AMDHD1: variants seen among roughly 807,000 people sequenced by gnomAD.
The protein encoded by AMDHD1 is amidohydrolase domain containing 1.
Under a neutral mutation model 44.1 loss-of-function variants are expected in AMDHD1, and 45 were observed. The ratio of observed to expected loss-of-function variants is 1.02; its 90% CI spans 0.80 to 1.31. AMDHD1 has a LOEUF of 1.31. Ranked by LOEUF, AMDHD1 falls within the 50% of genes most tolerant of loss-of-function variation. The probability of loss-of-function intolerance (pLI) is 0.00; values close to 1 mark genes in which losing one functional copy is unlikely to be tolerated. For synonymous variants in AMDHD1, 206 were observed against 205.0 expected (o/e 1.00, Z -0.04); for missense variants, 586 against 552.1 (o/e 1.06, Z -0.61).
intron 7 of AMDHD1, 55 bp from the exon 8 acceptor site, chr12:95,966,293 A>G: frequency 6.3e-7 from 1 of 1,595,226 alleles, no homozygotes; most frequent in South Asian, 1.1e-5. Flanking sequence ...GAAATGTTTT[A>G]AATTGCAGTT....
At chr12:95,944,031 C>T (rs1379136804) in intron 1 of AMDHD1, among the ~76,000 whole-genome samples, 1 of 152,108 alleles carries the variant, frequency 6.6e-6, no homozygotes, top group African/African-American at 2.4e-5. Context: ...AGCTTTAGAA[C>T]CACGGAGAAC....
chr12:95,949,456 T>C (rs2080517061), intron 1 of AMDHD1, among the ~76,000 whole-genome samples: 1 of 152,182 alleles, frequency 6.6e-6, no homozygotes, highest in Admixed American at 6.5e-5. Flanking sequence ...GAATTTTTCT[T>C]CCTAAATTTC....
chr12:95,953,747 AT>A (rs2080535684), intron 2 of AMDHD1, among the ~76,000 whole-genome samples: 1 of 152,016 alleles, frequency 6.6e-6, no homozygotes, highest in African/African-American at 2.4e-5. Flanking sequence ...TGCCTGGCTA[AT>A]TTTTGTATTT....
intron 1 of AMDHD1, among the ~76,000 whole-genome samples, chr12:95,951,100 C>G (rs560820191): frequency 1.1e-4 from 16 of 152,250 alleles, no homozygotes; most frequent in African/African-American, 3.9e-4. Context: ...CAATCGTACT[C>G]CCTCAGTTAT....
chr12:95,945,617 C>T (rs2080491841), intron 1 of AMDHD1, among the ~76,000 whole-genome samples: 1 of 152,136 alleles, frequency 6.6e-6, no homozygotes, highest in Non-Finnish European at 1.5e-5. Flanking sequence ...TATGCAGAAC[C>T]TGTGTGTTCA....
In AMDHD1 at chr12:95,960,596, T is replaced by A; in HGVS notation, c.786T>A (p.Asp262Glu). ...DIGLQINFHG[D>E]ELHPMKAAEL... ...GGTTACAGATTAACTTCCATGGGGA[T>A]GAACTCCACCCGATGAAGGCTGCTG... Residue 262 changes from aspartate (D) to glutamate (E), a missense_variant, in exon 5 of 9, where the codon GAT (aspartate) becomes GAA (glutamate). Transcript: ENST00000266736. 6.2e-7 allele frequency: 1 copy of A among 1,614,210 alleles called. No individual in the cohort carries two copies. Among genetic ancestry groups the A allele is most frequent in the South Asian group, 1.1e-5 (1 of 91,080 alleles).
rs2080606430 is a variant in AMDHD1 at position 95,965,654 on chromosome 12, T to C, written c.939-32T>C. ...AGCTATTCTACAAAAGCTCCCATTC[T>C]AGAGACTGACATATTTTTTTCCTCC... On this transcript the variant is annotated intron_variant, in intron 6 of 8. Transcript: ENST00000266736. 4 of 1,507,478 alleles carry C rather than the reference T, an allele frequency of 2.7e-6. No individual in the cohort carries two copies. The East Asian group carries it at 6.8e-5, about 26-fold the overall frequency. 93.4% of individuals were successfully genotyped at this position (1,507,478 alleles called of 1,614,324 possible).
At chr12:95,947,666 G>T (rs2080503160) in intron 1 of AMDHD1, among the ~76,000 whole-genome samples, 2 of 67,408 alleles carry the variant, frequency 3.0e-5, no homozygotes, top group Non-Finnish European at 5.3e-5. Context: ...CGTCCGGGAG[G>T]TGAGGGGCGC....
intron 6 of AMDHD1, among the ~76,000 whole-genome samples, chr12:95,963,058 C>T (rs1031182431): frequency 1.3e-5 from 2 of 152,148 alleles, no homozygotes; most frequent in African/African-American, 4.8e-5. Flanking sequence ...CTGATTCTAA[C>T]CAATATGAGA....
At chr12:95,944,237 C>G (rs76989777) in intron 1 of AMDHD1, among the ~76,000 whole-genome samples, 31,832 of 152,000 alleles carry the variant, frequency 0.21, 3,864 homozygotes, top group East Asian at 0.45. Context: ...TGCACACGAT[C>G]AATGAGTCTC....
Position 95,965,738 on chromosome 12 carries a change from C to T in AMDHD1, c.991C>T (p.Leu331=). 6.2e-7 allele frequency: 1 copy of T among 1,613,354 alleles called. No homozygotes were observed. The highest frequency in any genetic ancestry group is 1.7e-4 in the Middle Eastern group (1 of 6,058). ...KMLDEGVIVA[L]GSDFNPNAYC... ...GTTAGATGAAGGAGTAATAGTTGCT[C>T]TGGGAAGTGATTTCAACCCCAATGC... is the stretch of plus-strand genomic sequence containing the variant. Residue 331 remains leucine, a synonymous_variant, in exon 7 of 9, where the codon CTG becomes TTG. Transcript: ENST00000266736.
chr12:95,965,192 G>A (rs10777758), intron 6 of AMDHD1, among the ~76,000 whole-genome samples: 100,118 of 150,808 alleles, frequency 0.66, 33,425 homozygotes, highest in African/African-American at 0.74. Flanking sequence ...CCAACTACTC[G>A]GGAGGCTGAG....
At chr12:95,957,468 T>TA (rs2080557780) in intron 4 of AMDHD1, among the ~76,000 whole-genome samples, 1 of 152,148 alleles carries the variant, frequency 6.6e-6, no homozygotes, top group Non-Finnish European at 1.5e-5. Context: ...TACATGGCCT[T>TA]ACTGTAGAGA....
At chr12:95,954,890 A>T in intron 2 of AMDHD1, 21 bp from the exon 3 acceptor site, 1 of 1,612,828 alleles carries the variant, frequency 6.2e-7, no homozygotes, top group Non-Finnish European at 8.5e-7. Context: ...ATTGTAAGAT[A>T]ACTTGATTTA....
intron 5 of AMDHD1, 128 bp from the exon 6 acceptor site, chr12:95,962,227 C>T: frequency 7.4e-7 from 1 of 1,354,752 alleles, no homozygotes; most frequent in Non-Finnish European, 9.8e-7. Context: ...GATTGCACTA[C>T]TGCACCCAGC....
intron 5 of AMDHD1, 54 bp from the exon 6 acceptor site, chr12:95,962,301 T>G (rs1269742543): frequency 2.5e-6 from 4 of 1,573,990 alleles, no homozygotes; most frequent in Admixed American, 1.8e-5. Flanking sequence ...TGGAACTTCA[T>G]GGATTCGTTG....
rs773608825 is a variant in AMDHD1 at position 95,966,485 on chromosome 12, T to C, written c.1170T>C (p.Asp390=). The change falls in exon 8 of 9, where the codon GAT becomes GAC. Residue 390 remains aspartate, a synonymous_variant. Coordinates refer to ENST00000266736, the MANE Select transcript of AMDHD1 (RefSeq NM_152435.3). Reference sequence around the variant, plus strand: ...CGTTGGAAGTTGGCAAACAGGGAGATCTCATTATCATCAATTCATCCCGGT... The same window carrying C: ...CGTTGGAAGTTGGCAAACAGGGAGACCTCATTATCATCAATTCATCCCGGT... The part of the protein sequence containing the change: ...HGSLEVGKQG[D]LIIINSSRWE... The C allele has an allele frequency of 1.2e-6, 2 of 1,614,120 alleles. No individual in the cohort carries two copies. The highest frequency in any genetic ancestry group is 1.7e-5 in the Admixed American group (1 of 60,022).
In AMDHD1 at chr12:95,966,365, G is replaced by A; in HGVS notation, c.1050G>A (p.Leu350=). The A allele has an allele frequency of 6.2e-7, 1 of 1,614,198 alleles. No individual in the cohort carries two copies. Among genetic ancestry groups the A allele is most frequent in the East Asian group, 2.2e-5 (1 of 44,886 alleles). The change falls in exon 8 of 9, where the codon CTG becomes CTA. Residue 350 remains leucine (L), a synonymous_variant. Coordinates refer to ENST00000266736, the MANE Select transcript of AMDHD1 (RefSeq NM_152435.3). ...TGCCTTAGCCAATGGTCATGCATCT[G>A]GCCTGTGTAAACATGAGAATGTCCA... ...YCFSMPMVMH[L]ACVNMRMSMP...
intron 1 of AMDHD1, among the ~76,000 whole-genome samples, chr12:95,945,006 C>T (rs1386957622): frequency 6.6e-6 from 1 of 152,048 alleles, no homozygotes; most frequent in African/African-American, 2.4e-5. Context: ...TGGCGGCGCA[C>T]GTCTGTAATC....
Sources: gnomAD v4.1 joint callset for allele counts (sites outside exome capture counted in the v4.1 genomes callset) on GRCh38, gnomAD v4.1.1 for gene constraint, MANE v1.5 for transcripts, NCBI Gene and HGNC (gene_info 2026-07-23, HGNC 2026-07-21) for gene names.